Variants in FAM227B observed in about 807,000 individuals in gnomAD.
The protein encoded by FAM227B is protein FAM227B.
In FAM227B, 88 loss-of-function variants were observed where a neutral mutation model predicts 73.8. The ratio of observed to expected loss-of-function variants is 1.19; its 90% confidence interval spans 1.00 to 1.42. The LOEUF is 1.42. Among genes scored for constraint, FAM227B ranks in the 40% most tolerant of loss-of-function variants. The pLI is 0.00. For missense variants in FAM227B, 632 were observed against 590.9 expected, an observed-to-expected ratio of 1.07 and a Z score of -0.72; for synonymous variants, 210 against 190.5, an observed-to-expected ratio of 1.10 and a Z score of -0.84.
chr15:49,516,174 G>A (rs1356234833), intron 10 of FAM227B, among the ~76,000 whole-genome samples: 2 of 151,982 alleles, frequency 1.3e-5, no homozygotes, highest in South Asian at 2.1e-4. Context: ...ACATAGAGTA[G>A]GGGCTTTATC....
rs763636823 is a variant in FAM227B at position 49,328,528 on chromosome 15, G to A, written c.*40C>T. 59 of 1,604,540 alleles carry A rather than the reference G, an allele frequency of 3.7e-5. No individual in the cohort carries two copies. Among genetic ancestry groups the A allele is most frequent in the Admixed American group, 8.4e-5 (5 of 59,266 alleles). On this transcript the variant is annotated 3_prime_UTR_variant, in exon 16 of 16. Transcript: ENST00000299338. ...ACAATTAAACTGATACCACTGAATTGTATGCATTATTCTTGAATAGAGTTC... is the reference window on the plus strand; with the variant it reads ...ACAATTAAACTGATACCACTGAATTATATGCATTATTCTTGAATAGAGTTC...
At chr15:49,500,704 A>G (rs1328394106) in intron 11 of FAM227B, among the ~76,000 whole-genome samples, 2 of 152,216 alleles carry the variant, frequency 1.3e-5, no homozygotes, top group Non-Finnish European at 2.9e-5. Flanking sequence ...TACGTGATAT[A>G]GTTTGGATAT....
chr15:49,501,043 G>A (rs1194327816), intron 11 of FAM227B, among the ~76,000 whole-genome samples: 1 of 152,178 alleles, frequency 6.6e-6, no homozygotes, highest in South Asian at 2.1e-4. Flanking sequence ...CCAGAACCAT[G>A]AGCCAATTAA....
chr15:49,367,881 A>AC (rs536303052), intron 12 of FAM227B: 4,535 of 191,528 alleles, frequency 0.024, 114 homozygotes, highest in East Asian at 0.06. Flanking sequence ...AAAAAAAAAA[A>AC]AATGAAGAAA....
intron 11 of FAM227B, among the ~76,000 whole-genome samples, chr15:49,394,060 C>T (rs1390142092): frequency 6.6e-6 from 1 of 152,058 alleles, no homozygotes; most frequent in Non-Finnish European, 1.5e-5. Context: ...CCAATAACAT[C>T]ACAGGTATTG....
At chr15:49,476,355 A>G (rs1375952402) in intron 11 of FAM227B, among the ~76,000 whole-genome samples, 1 of 151,734 alleles carries the variant, frequency 6.6e-6, no homozygotes, top group Admixed American at 6.6e-5. Context: ...GGATATCATA[A>G]TTAAAGTAAT....
intron 11 of FAM227B, among the ~76,000 whole-genome samples, chr15:49,379,979 T>C (rs1207666880): frequency 1.3e-5 from 2 of 152,200 alleles, no homozygotes; most frequent in Non-Finnish European, 2.9e-5. Context: ...CTTCAGGGTG[T>C]TGAGGTACCC....
intron 3 of FAM227B, among the ~76,000 whole-genome samples, chr15:49,599,457 T>C (rs1274347805): frequency 6.6e-6 from 1 of 152,124 alleles, no homozygotes; most frequent in Non-Finnish European, 1.5e-5. Context: ...CTGATCTTTG[T>C]TATTTCCTTC....
intron 13 of FAM227B, among the ~76,000 whole-genome samples, chr15:49,356,985 C>G (rs942433420): frequency 4.6e-5 from 7 of 150,688 alleles, no homozygotes; most frequent in Admixed American, 3.3e-4. Flanking sequence ...TGAATGACTA[C>G]TGGGTACATA....
At chr15:49,605,902 G>C (rs74012430) in intron 3 of FAM227B, among the ~76,000 whole-genome samples, 9,155 of 152,032 alleles carry the variant, frequency 0.06, 967 homozygotes, top group African/African-American at 0.21. Flanking sequence ...TTGGAGACTG[G>C]GTCTACAGGT....
chr15:49,494,193 T>C (rs2057379378), intron 11 of FAM227B, among the ~76,000 whole-genome samples: 1 of 151,518 alleles, frequency 6.6e-6, no homozygotes, highest in Non-Finnish European at 1.5e-5. Flanking sequence ...TAAATATAAA[T>C]ATGCATATAT....
rs7168005 is a variant in FAM227B, at chr15:49,413,726, C to T, written c.1013-42327G>A. Among the ~76,000 whole-genome samples, 1,075 of 152,090 alleles carry T rather than the reference C, an allele frequency of 7.1e-3. 23 individuals are homozygous for T. The highest frequency in any genetic ancestry group is 0.025 in the African/African-American group (1,032 of 41,494). ...CCAAAGTCTTTAATGTTAGTATCAA[C>T]GCCTTATGTACATTGGTCTCGTGTT... On this transcript the variant is annotated intron_variant, in intron 11 of 15. Coordinates refer to ENST00000299338, the MANE Select transcript of FAM227B (RefSeq NM_152647.3).
At chr15:49,420,007 T>A (rs1185930031) in intron 11 of FAM227B, among the ~76,000 whole-genome samples, 1 of 152,216 alleles carries the variant, frequency 6.6e-6, no homozygotes, top group African/African-American at 2.4e-5. Context: ...CATTTTCACT[T>A]GTCAGACTAA....
chr15:49,525,665 A>AACATATATATATAT (rs1330573300), intron 10 of FAM227B, among the ~76,000 whole-genome samples: 2 of 81,494 alleles, frequency 2.5e-5, no homozygotes, highest in South Asian at 4.4e-4. Flanking sequence ...AGGGTGGAGA[A>AACATATATATATAT]ATATATATAT....
chr15:49,376,304 G>C (rs1203753969), intron 11 of FAM227B, among the ~76,000 whole-genome samples: 3 of 151,810 alleles, frequency 2.0e-5, no homozygotes, highest in Non-Finnish European at 4.4e-5. Context: ...TTTGTATATT[G>C]TGTGAGGTAC....
chr15:49,502,528 G>T (rs146652764), intron 11 of FAM227B, among the ~76,000 whole-genome samples: 2 of 152,338 alleles, frequency 1.3e-5, no homozygotes, highest in African/African-American at 2.4e-5. Flanking sequence ...CTCCCTTTTG[G>T]AATGGCAATG....
rs969167174 is a variant in FAM227B at position 49,457,548 on chromosome 15, T to C, written c.1012+50663A>G. The stretch of plus-strand genomic sequence containing the variant: ...TTTTATAAGTAACTACATTATCAAA[T>C]TCCTTAGAGAACAGAAACTTTTCTA... On this transcript the variant is annotated intron_variant, in intron 11 of 15. Transcript: ENST00000299338. Among the ~76,000 whole-genome samples, 2 of 151,976 alleles carry C rather than the reference T, an allele frequency of 1.3e-5. 1 individual carries two copies. The highest frequency in any genetic ancestry group is 4.1e-4 in the South Asian group (2 of 4,828).
chr15:49,390,038 C>T (rs1729915162), intron 11 of FAM227B, among the ~76,000 whole-genome samples: 2 of 152,018 alleles, frequency 1.3e-5, no homozygotes, highest in Admixed American at 1.3e-4. Flanking sequence ...TTTCATCCTT[C>T]CAAGGCACAA....
intron 11 of FAM227B, chr15:49,488,042 T>C (rs2056551199): frequency 6.6e-6 from 1 of 151,928 alleles, no homozygotes; most frequent in Non-Finnish European, 1.5e-5. Flanking sequence ...AACAAAAATA[T>C]TTAACAGTCA....
Sources: allele counts gnomAD v4.1 joint callset (sites outside exome capture counted in the v4.1 genomes callset), GRCh38; gene constraint gnomAD v4.1.1; transcripts MANE v1.5; gene names NCBI Gene and HGNC (gene_info 2026-07-23, HGNC 2026-07-21).